Variants in NRXN3 observed in about 807,000 individuals in gnomAD.
NRXN3 encodes the protein neurexin 3.
NRXN3 carries 32 observed loss-of-function variants against 137.6 expected under a neutral mutation model. The ratio of observed to expected loss-of-function variants is 0.23; its 90% CI spans 0.18 to 0.31. The LOEUF is 0.31. NRXN3 is among the 10% of genes least tolerant of loss of function. The pLI is 1.00. For missense variants in NRXN3, 1,574 were observed against 2,062.5 expected (o/e 0.76, Z 4.59); for synonymous variants, 798 against 784.5 (o/e 1.02, Z -0.29).
intron 10 of NRXN3, among the ~76,000 whole-genome samples, chr14:78,849,309 T>C (rs1233831196): frequency 6.6e-6 from 1 of 152,052 alleles, no homozygotes; most frequent in Non-Finnish European, 1.5e-5. Flanking sequence ...ATGTAGAAGT[T>C]GAGTGCAAGG....
intron 17 of NRXN3, among the ~76,000 whole-genome samples, chr14:79,667,755 C>G (rs573311995): frequency 6.6e-6 from 1 of 151,934 alleles, no homozygotes; most frequent in Non-Finnish European, 1.5e-5. Context: ...CTTATAAAGT[C>G]TCTGATTGTT....
intron 16 of NRXN3, among the ~76,000 whole-genome samples, chr14:79,636,813 C>T (rs1053253796): frequency 7.9e-5 from 12 of 152,264 alleles, no homozygotes; most frequent in Middle Eastern, 6.8e-3. Context: ...GGTCTAGGCT[C>T]CTCTGCCAAA....
chr14:78,682,868 T>G (rs1602372496), intron 6 of NRXN3, among the ~76,000 whole-genome samples: 1 of 152,340 alleles, frequency 6.6e-6, no homozygotes, highest in East Asian at 1.9e-4. Context: ...ATGTTCCACT[T>G]CCTCACTAGC....
chr14:79,363,996 A>G (rs1249175801), intron 15 of NRXN3, among the ~76,000 whole-genome samples: 2 of 152,172 alleles, frequency 1.3e-5, no homozygotes, highest in Admixed American at 6.5e-5. Flanking sequence ...CTTGGGGTAA[A>G]GTGCTGGAGA....
At chr14:79,387,964 GA>G (rs2094695071) in intron 15 of NRXN3, among the ~76,000 whole-genome samples, 2 of 98,612 alleles carry the variant, frequency 2.0e-5, no homozygotes, top group Non-Finnish European at 3.7e-5. Flanking sequence ...GGGGTGGGGG[GA>G]GGGGGGAGGG....
At chr14:79,344,857 A>G (rs2092789697) in intron 15 of NRXN3, among the ~76,000 whole-genome samples, 1 of 152,208 alleles carries the variant, frequency 6.6e-6, no homozygotes, top group Non-Finnish European at 1.5e-5. Flanking sequence ...CAGAATATGT[A>G]AGTCACCTAA....
intron 1 of NRXN3, among the ~76,000 whole-genome samples, chr14:78,216,886 T>C (rs2063342451): frequency 6.6e-6 from 1 of 152,160 alleles, no homozygotes; most frequent in Non-Finnish European, 1.5e-5. Flanking sequence ...CAGTGGCCAC[T>C]TCCATCATCA....
chr14:79,405,997 C>G (rs932238797), intron 15 of NRXN3, among the ~76,000 whole-genome samples: 2 of 152,160 alleles, frequency 1.3e-5, no homozygotes, highest in Non-Finnish European at 2.9e-5. Context: ...ATGCTGGGAA[C>G]ATGTCCATGA....
At chr14:78,888,848 T>TACATACACACACACACACACAC (rs2099150908) in intron 10 of NRXN3, among the ~76,000 whole-genome samples, 2 of 146,318 alleles carry the variant, frequency 1.4e-5, no homozygotes, top group African/African-American at 5.0e-5. Context: ...ATCACACACA[T>TACATACACACACACACACACAC]ACACACACAC....
chr14:78,463,860 G>T (rs1023329846), intron 4 of NRXN3, among the ~76,000 whole-genome samples: 8 of 151,014 alleles, frequency 5.3e-5, no homozygotes, highest in African/African-American at 1.9e-4. Context: ...GCCTCCTCCA[G>T]CCAGCCACAT....
chr14:79,239,464 G>A (rs1442181296), intron 15 of NRXN3, among the ~76,000 whole-genome samples: 2 of 151,784 alleles, frequency 1.3e-5, no homozygotes, highest in Non-Finnish European at 2.9e-5. Context: ...TAAAGGAGAA[G>A]GAAACAAAAG....
At chr14:79,811,618 G>A (rs1442914452) in intron 20 of NRXN3, among the ~76,000 whole-genome samples, 2 of 116,330 alleles carry the variant, frequency 1.7e-5, no homozygotes, top group Non-Finnish European at 3.2e-5. Context: ...GTGTCACTCT[G>A]TCGCCCAGGC....
chr14:79,131,520 G>A (rs1011166342), intron 15 of NRXN3, among the ~76,000 whole-genome samples: 2 of 152,186 alleles, frequency 1.3e-5, no homozygotes, highest in Admixed American at 6.5e-5. Flanking sequence ...CCATTTGAGG[G>A]GGCAGTCTGC....
intron 15 of NRXN3, among the ~76,000 whole-genome samples, chr14:79,171,165 C>T (rs1384324945): frequency 2.0e-5 from 3 of 151,938 alleles, no homozygotes; most frequent in African/African-American, 7.2e-5. Flanking sequence ...AAGCAGGATC[C>T]GTGTTTTAAT....
At chr14:79,294,190 C>T (rs2079122805) in intron 15 of NRXN3, among the ~76,000 whole-genome samples, 1 of 152,102 alleles carries the variant, frequency 6.6e-6, no homozygotes. Context: ...TCTTTATTTC[C>T]CCTAGATACC....
intron 17 of NRXN3, among the ~76,000 whole-genome samples, chr14:79,669,998 G>A (rs2098597829): frequency 6.6e-6 from 1 of 152,080 alleles, no homozygotes; most frequent in Middle Eastern, 3.2e-3. Flanking sequence ...CAATGTGGTA[G>A]CCGCCAACCA....
At chr14:79,025,352 T>C (rs1397973311) in intron 15 of NRXN3, among the ~76,000 whole-genome samples, 1 of 152,110 alleles carries the variant, frequency 6.6e-6, no homozygotes, top group South Asian at 2.1e-4. Flanking sequence ...GTTCTTATAG[T>C]AATCATCAGG....
At chr14:78,459,080 T>C (rs932367473) in intron 4 of NRXN3, among the ~76,000 whole-genome samples, 4 of 152,246 alleles carry the variant, frequency 2.6e-5, no homozygotes, top group African/African-American at 9.6e-5. Flanking sequence ...ATTCTGCGTT[T>C]ATTCAGTGGG....
intron 15 of NRXN3, among the ~76,000 whole-genome samples, chr14:79,455,117 A>G (rs1287136539): frequency 2.6e-5 from 4 of 152,236 alleles, no homozygotes; most frequent in African/African-American, 7.2e-5. Flanking sequence ...AGTTTTGTAA[A>G]CAACAGAATT....
Sources: gnomAD v4.1 joint callset for allele counts (sites outside exome capture counted in the v4.1 genomes callset) on GRCh38, gnomAD v4.1.1 for gene constraint, MANE v1.5 for transcripts, NCBI Gene and HGNC (gene_info 2026-07-23, HGNC 2026-07-21) for gene names.